Variants in FBXL20 observed in about 807,000 individuals in gnomAD.
FBXL20 encodes the protein F-box/LRR-repeat protein 20.
Under a neutral mutation model 64.0 loss-of-function variants are expected in FBXL20, and 11 were observed. The ratio of observed to expected loss-of-function variants is 0.17; its 90% confidence interval spans 0.11 to 0.28. The LOEUF (loss-of-function observed/expected upper bound fraction) is 0.28, where lower values mean the gene tolerates loss of function less well. Among genes scored for constraint, FBXL20 ranks in the 10% least tolerant of loss-of-function variants. FBXL20 has a pLI of 1.00. For missense variants in FBXL20, 303 were observed against 526.2 expected (o/e 0.58, Z 4.15); for synonymous variants, 184 against 189.0 (o/e 0.97, Z 0.22).
At chr17:39,321,127 A>G (rs1194655132) in intron 2 of FBXL20, among the ~76,000 whole-genome samples, 1 of 149,892 alleles carries the variant, frequency 6.7e-6, no homozygotes, top group Admixed American at 6.7e-5. Flanking sequence ...CTCCCAGTAT[A>G]TTTTTGAAGT....
intron 2 of FBXL20, among the ~76,000 whole-genome samples, chr17:39,312,306 C>T (rs1483911057): frequency 1.3e-5 from 2 of 151,382 alleles, no homozygotes; most frequent in Admixed American, 1.3e-4. Flanking sequence ...TCACAGCTAT[C>T]GGGAGGCTGA....
At chr17:39,328,030 A>C (rs1266210058) in intron 2 of FBXL20, among the ~76,000 whole-genome samples, 1 of 151,904 alleles carries the variant, frequency 6.6e-6, no homozygotes, top group East Asian at 1.9e-4. Context: ...GGCGCATCAC[A>C]TGAGGTCAGG....
chr17:39,287,361 G>C (rs1350732096), intron 6 of FBXL20, among the ~76,000 whole-genome samples: 1 of 151,964 alleles, frequency 6.6e-6, no homozygotes, highest in African/African-American at 2.4e-5. Flanking sequence ...CATTCTCTTT[G>C]GCTGATATGT....
chr17:39,398,040 CGGGGGGGG>C (rs56842905), intron 1 of FBXL20, among the ~76,000 whole-genome samples: 13 of 56,708 alleles, frequency 2.3e-4, no homozygotes, highest in East Asian at 1.6e-3. Context: ...GGCCGGCGGG[CGGGGGGGG>C]GGGGGGGGTT....
intron 2 of FBXL20, among the ~76,000 whole-genome samples, chr17:39,332,910 C>A (rs927834878): frequency 6.6e-6 from 1 of 152,132 alleles, no homozygotes; most frequent in Admixed American, 6.5e-5. Flanking sequence ...TCCTCCTGCA[C>A]ATCACCATAC....
intron 2 of FBXL20, among the ~76,000 whole-genome samples, chr17:39,342,233 A>T (rs1416464577): frequency 6.6e-6 from 1 of 152,114 alleles, no homozygotes; most frequent in African/African-American, 2.4e-5. Context: ...GCCAGTTACC[A>T]GAGTCAAGTA....
chr17:39,296,721 C>T (rs2047089612), intron 6 of FBXL20, among the ~76,000 whole-genome samples: 1 of 152,046 alleles, frequency 6.6e-6, no homozygotes, highest in South Asian at 2.1e-4. Flanking sequence ...TTTAGTGAAT[C>T]ATTTTCATTT....
chr17:39,297,089 G>A (rs759363742), intron 6 of FBXL20, 38 bp downstream of exon 6: 3 of 1,456,250 alleles, frequency 2.1e-6, no homozygotes, highest in Non-Finnish European at 2.9e-6. Flanking sequence ...CAGACATAAG[G>A]GGTTATGACT....
At chr17:39,337,580 C>A (rs1385371141) in intron 2 of FBXL20, among the ~76,000 whole-genome samples, 1 of 147,838 alleles carries the variant, frequency 6.8e-6, no homozygotes, top group East Asian at 2.0e-4. Flanking sequence ...ATGTGAGGAG[C>A]GCCTCTGCCC....
intron 2 of FBXL20, among the ~76,000 whole-genome samples, chr17:39,320,421 A>AT (rs1359596225): frequency 6.6e-6 from 1 of 152,120 alleles, no homozygotes; most frequent in Non-Finnish European, 1.5e-5. Flanking sequence ...GGCATAAAAG[A>AT]TAAGTGGTAT....
intron 1 of FBXL20, among the ~76,000 whole-genome samples, chr17:39,352,146 T>C (rs2047693468): frequency 1.3e-5 from 2 of 152,156 alleles, no homozygotes; most frequent in African/African-American, 4.8e-5. Flanking sequence ...TTTATTTAAA[T>C]GCTTAGTAAA....
chr17:39,281,914 G>A (rs887411404), intron 8 of FBXL20, among the ~76,000 whole-genome samples: 3 of 152,192 alleles, frequency 2.0e-5, no homozygotes, highest in Non-Finnish European at 4.4e-5. Flanking sequence ...CATGCTTACA[G>A]TGCTGAGAAC....
chr17:39,317,689 GTTTTTTTTTTTGTTTT>G lies in FBXL20; in HGVS notation c.105-14066_105-14051del, dbSNP rs2047308350. 2.2e-3 allele frequency among the ~76,000 whole-genome samples: 103 copies of G among 47,142 alleles called. 1 individual carries two copies. Among genetic ancestry groups the G allele is most frequent in the African/African-American group, 0.011 (94 of 8,450 alleles). The allele number at this position is 47,142 out of a possible 152,430, so 30.9% of individuals were successfully genotyped here. On this transcript the variant is annotated intron_variant, in intron 2 of 14. Coordinates refer to ENST00000264658, the MANE Select transcript of FBXL20 (RefSeq NM_032875.3). Reference sequence around the variant, plus strand: ...AGAGTTTGACTTTGTTTTTTTTTTTGTTTTTTTTTTTGTTTTTTTTTTTTTTTTTTGAGACGGAGTC... The same window carrying G: ...AGAGTTTGACTTTGTTTTTTTTTTTGTTTTTTTTTTTTTTGAGACGGAGTC...
intron 12 of FBXL20, 135 bp from the exon 13 acceptor site, chr17:39,265,588 C>T: frequency 1.9e-6 from 1 of 515,140 alleles, no homozygotes; most frequent in Non-Finnish European, 3.2e-6. Flanking sequence ...CTCACTGCAG[C>T]CTAAAACTTC....
At position 39,264,367 on chromosome 17, in the gene FBXL20, C is replaced by T. The variant is rs1165778767; in HGVS notation, c.1011G>A (p.Leu337=). Residue 337 remains leucine (L), a synonymous_variant, in exon 14 of 15, where the codon CTG becomes CTA. Transcript: ENST00000264658. ...LQVLSLSHCE[L]ITDDGIRHLG... is the part of the protein sequence containing the mutation. ...GGTGACGAATTCCATCATCTGTGATCAGCTCACAGTGAGACAGACTCTGCA... is the reference window on the plus strand; with the variant it reads ...GGTGACGAATTCCATCATCTGTGATTAGCTCACAGTGAGACAGACTCTGCA... 2 of 1,613,526 alleles carry T rather than the reference C, an allele frequency of 1.2e-6. No homozygotes were observed. The highest frequency in any genetic ancestry group is 2.2e-5 in the South Asian group (2 of 91,052).
chr17:39,381,418 T>C (rs541123579), intron 1 of FBXL20, among the ~76,000 whole-genome samples: 104 of 145,738 alleles, frequency 7.1e-4, no homozygotes, highest in Non-Finnish European at 1.3e-3. Flanking sequence ...AGGCAGAGGT[T>C]GCAGTGAGAC....
chr17:39,296,287 G>A (rs978845427), intron 6 of FBXL20, among the ~76,000 whole-genome samples: 23 of 152,158 alleles, frequency 1.5e-4, no homozygotes, highest in African/African-American at 4.6e-4. Flanking sequence ...GAGGCCAGGC[G>A]CGGTGGCTCA....
At position 39,252,721 on chromosome 17, in the gene FBXL20, A is replaced by G. The variant is rs946383167; in HGVS notation, c.*8739T>C. 2 of 151,742 alleles carry G rather than the reference A, an allele frequency of 1.3e-5. No homozygotes were observed. Among genetic ancestry groups the G allele is most frequent in the Non-Finnish European group, 2.9e-5 (2 of 67,964 alleles). The allele number at this position is 151,742 out of a possible 1,614,324, so 9.4% of individuals were successfully genotyped here. ...ACAAAATTAGAACATACAAGAAACAATAATAGTTACATAACAATTTACTTT... is the reference window on the plus strand; with the variant it reads ...ACAAAATTAGAACATACAAGAAACAGTAATAGTTACATAACAATTTACTTT... On this transcript the variant is annotated 3_prime_UTR_variant, in exon 15 of 15. Coordinates refer to ENST00000264658, the MANE Select transcript of FBXL20 (RefSeq NM_032875.3).
At chr17:39,322,160 T>C (rs2047362810) in intron 2 of FBXL20, among the ~76,000 whole-genome samples, 1 of 83,302 alleles carries the variant, frequency 1.2e-5, no homozygotes. Flanking sequence ...ACACTATCTC[T>C]ACCAAAAAAA....
Sources: gnomAD v4.1 joint callset for allele counts (sites outside exome capture counted in the v4.1 genomes callset) on GRCh38, gnomAD v4.1.1 for gene constraint, MANE v1.5 for transcripts, NCBI Gene and HGNC (gene_info 2026-07-23, HGNC 2026-07-21) for gene names.